The following NMT2 variants were observed in gnomAD, a reference collection of about 807,000 sequenced individuals.
NMT2 encodes the protein N-myristoyltransferase 2, also known as glycylpeptide N-tetradecanoyltransferase 2.
A neutral mutation model predicts 65.4 loss-of-function variants in NMT2; 35 were observed. That is an observed-to-expected ratio of 0.54 (90% confidence interval 0.41 to 0.71). The LOEUF (loss-of-function observed/expected upper bound fraction) is 0.71. NMT2 is among the 30% of genes least tolerant of loss of function. The pLI is 0.00. For missense variants in NMT2, 489 were observed against 611.3 expected (o/e 0.80, Z 2.11); for synonymous variants, 226 against 231.8 (o/e 0.98, Z 0.23).
chr10:15,150,594 C>G (rs577944122), intron 1 of NMT2, among the ~76,000 whole-genome samples: 45 of 152,220 alleles, frequency 3.0e-4, no homozygotes, highest in African/African-American at 1.0e-3. Context: ...GCAACATCGT[C>G]TCTGTGCAAA....
chr10:15,161,109 A>AAAAAAAAAC (rs1220389004), intron 1 of NMT2, among the ~76,000 whole-genome samples: 1 of 146,214 alleles, frequency 6.8e-6, no homozygotes. Flanking sequence ...AAAAAAAAAA[A>AAAAAAAAAC]ACACAAAGAA....
At chr10:15,125,583 G>A (rs1846047318) in intron 8 of NMT2, among the ~76,000 whole-genome samples, 1 of 152,166 alleles carries the variant, frequency 6.6e-6, no homozygotes, top group South Asian at 2.1e-4. Flanking sequence ...AGACCAAAGT[G>A]GAACAGCATT....
intron 1 of NMT2, among the ~76,000 whole-genome samples, chr10:15,161,664 G>A (rs1833203854): frequency 6.6e-6 from 1 of 152,048 alleles, no homozygotes; most frequent in Admixed American, 6.6e-5. Context: ...CTGGCCGGGA[G>A]GATGTGTTTT....
rs149229412 is a variant in NMT2, at chr10:15,132,925, C to A, written c.611G>T (p.Arg204Leu). The A allele has an allele frequency of 5.5e-5, 89 of 1,612,314 alleles. No homozygotes were observed. The highest frequency in any genetic ancestry group is 7.3e-5 in the Non-Finnish European group (86 of 1,179,020). Residue 204 changes from arginine (R) to leucine (L), a missense_variant, in exon 6 of 12, where the codon CGT (arginine) becomes CTT (leucine). Coordinates refer to ENST00000378165, the MANE Select transcript of NMT2 (RefSeq NM_004808.3). ...CCACTGCAGGAGCCAGCCTGGTGGA[C>A]GCAGAGCCCTGAGGTCACGGTAGAC... is the stretch of plus-strand genomic sequence containing the variant. ...YSPEFLLWAL[R>L]PPGWLLQWHC...
rs187724401 is a variant in NMT2 at position 15,164,139 on chromosome 10, C to T, written c.110+4364G>A. Among the ~76,000 whole-genome samples the T allele has an allele frequency of 1.3e-4, 19 of 145,472 alleles. No individual in the cohort carries two copies. In the South Asian group the frequency reaches 3.1e-3, roughly 23 times the overall value. On this transcript the variant is annotated intron_variant, in intron 1 of 11. Coordinates refer to ENST00000378165, the MANE Select transcript of NMT2 (RefSeq NM_004808.3). ...CAGAGCTTGCAGTGAGCCGAGATCG[C>T]GCCACTGCACTTCAGCCTGGGGGAC... is the stretch of plus-strand genomic sequence containing the variant.
intron 1 of NMT2, chr10:15,154,687 G>A (rs1832927798): frequency 1.3e-5 from 6 of 466,364 alleles, no homozygotes; most frequent in South Asian, 9.4e-5. Flanking sequence ...AAAGGGAAAT[G>A]CAGTGAGAGC....
chr10:15,109,620 T>C, intron 11 of NMT2, 82 bp downstream of exon 11: 1 of 1,030,838 alleles, frequency 9.7e-7, no homozygotes, highest in Non-Finnish European at 1.4e-6. Context: ...AAAATAAAGC[T>C]GTCTTAAGTC....
chr10:15,155,025 A>G, intron 1 of NMT2: 1 of 1,209,318 alleles, frequency 8.3e-7, no homozygotes, highest in Middle Eastern at 1.9e-4. Context: ...TGTATGCTTC[A>G]TGGACAAGAT....
intron 8 of NMT2, 82 bp downstream of exon 8, chr10:15,128,268 T>C (rs1324809236): frequency 9.7e-6 from 8 of 825,328 alleles, no homozygotes; most frequent in Non-Finnish European, 1.7e-5. Flanking sequence ...AGTCAGTTTT[T>C]AGACTCCTGC....
In NMT2 at chr10:15,108,683, T is replaced by C. The variant is rs1286035714; in HGVS notation, c.*512A>G. Reference sequence around the variant, plus strand: ...AAACAACCACCACCTGTCACTGAGCTACAGAAGTGTTGATTCCATAAATGT... The same window carrying C: ...AAACAACCACCACCTGTCACTGAGCCACAGAAGTGTTGATTCCATAAATGT... On this transcript the variant is annotated 3_prime_UTR_variant, in exon 12 of 12. Coordinates refer to ENST00000378165, the MANE Select transcript of NMT2 (RefSeq NM_004808.3). 4.0e-6 allele frequency: 4 copies of C among 993,048 alleles called. No individual in the cohort carries two copies. The highest frequency in any genetic ancestry group is 4.8e-6 in the Non-Finnish European group (4 of 835,658). 61.5% of individuals were successfully genotyped at this position (993,048 alleles called of 1,614,324 possible).
In NMT2 at chr10:15,140,991, G is replaced by A. The variant is rs909645555; in HGVS notation, c.246+431C>T. ...CAAAGTCAACGAGAGACTTACCCATGGCTGCTCCCGCTGAAATCTGCTGCC... is the reference window on the plus strand; with the variant it reads ...CAAAGTCAACGAGAGACTTACCCATAGCTGCTCCCGCTGAAATCTGCTGCC... On this transcript the variant is annotated intron_variant, in intron 2 of 11. Transcript: ENST00000378165. 5.8e-6 allele frequency: 9 copies of A among 1,550,704 alleles called. No homozygotes were observed. In the African/African-American group the frequency reaches 9.6e-5, roughly 17 times the overall value.
intron 9 of NMT2, 30 bp downstream of exon 9, chr10:15,119,313 G>C: frequency 3.1e-6 from 5 of 1,604,142 alleles, no homozygotes; most frequent in Non-Finnish European, 4.3e-6. Context: ...GCTTCAAGGA[G>C]AAGCTTTATG....
At chr10:15,142,904 A>C (rs1270555229) in intron 1 of NMT2, among the ~76,000 whole-genome samples, 1 of 152,172 alleles carries the variant, frequency 6.6e-6, no homozygotes. Flanking sequence ...TGGGAGTAGG[A>C]CTATTTTAGG....
At chr10:15,109,259 CA>C in intron 11 of NMT2, 44 bp from the exon 12 acceptor site, 2 of 1,595,340 alleles carry the variant, frequency 1.3e-6, no homozygotes, top group South Asian at 2.3e-5. Context: ...AATTAGATTG[CA>C]ATGTAGTACA....
Position 15,150,538 on chromosome 10 carries a change from G to A in NMT2, c.111-8981C>T, listed in dbSNP as rs537948521. On this transcript the variant is annotated intron_variant, in intron 1 of 11. Transcript: ENST00000378165. ...GTCTGGTAGCTTCAACCCATACTTA[G>A]TGTGCCCCTTCTCCTCTTGGGATTG... Among the ~76,000 whole-genome samples the A allele has an allele frequency of 3.0e-3, 463 of 152,242 alleles. 3 individuals are homozygous for A. The highest frequency in any genetic ancestry group is 0.01 in the African/African-American group (428 of 41,546).
At chr10:15,130,480 G>T (rs1016152250) in intron 6 of NMT2, among the ~76,000 whole-genome samples, 168 bp from the exon 7 acceptor site, 4 of 152,080 alleles carry the variant, frequency 2.6e-5, no homozygotes, top group African/African-American at 9.7e-5. Flanking sequence ...GCCAAGGCAG[G>T]TGGATTGCTT....
At chr10:15,150,217 TA>T (rs978803152) in intron 1 of NMT2, among the ~76,000 whole-genome samples, 1 of 152,156 alleles carries the variant, frequency 6.6e-6, no homozygotes, top group Non-Finnish European at 1.5e-5. Context: ...TAACTCAGGT[TA>T]TCAGGGTGTA....
Position 15,141,430 on chromosome 10 carries a change from G to C in NMT2, c.238C>G (p.Pro80Ala). 1.9e-6 allele frequency: 3 copies of C among 1,614,016 alleles called. No individual in the cohort carries two copies. The highest frequency in any genetic ancestry group is 1.1e-5 in the South Asian group (1 of 91,068). ...SDSQEIKIQQPSKNPSVPMQK... is the reference protein window; with the variant it reads ...SDSQEIKIQQASKNPSVPMQK... Reference sequence around the variant, plus strand: ...TAAAACAGAGCTCTCACTTTCGAAGGCTGCTGAATTTTAATCTCCTGGGAA... The same window carrying C: ...TAAAACAGAGCTCTCACTTTCGAAGCCTGCTGAATTTTAATCTCCTGGGAA... The change falls in exon 2 of 12, where the codon CCT (proline) becomes GCT (alanine). Residue 80 changes from proline to alanine, a missense_variant. Physicochemically the swap from Pro to Ala is conservative, Grantham distance 27. Coordinates refer to ENST00000378165, the MANE Select transcript of NMT2 (RefSeq NM_004808.3).
At chr10:15,118,998 T>C (rs1845836320) in intron 9 of NMT2, among the ~76,000 whole-genome samples, 1 of 152,208 alleles carries the variant, frequency 6.6e-6, no homozygotes, top group Admixed American at 6.5e-5. Context: ...AAGAAGTTGT[T>C]TGCCTTGTTG....
Sources: allele counts gnomAD v4.1 joint callset (sites outside exome capture counted in the v4.1 genomes callset), GRCh38; gene constraint gnomAD v4.1.1; transcripts MANE v1.5; gene names NCBI Gene and HGNC (gene_info 2026-07-23, HGNC 2026-07-21).